Variants in BCL2 observed in about 807,000 individuals in gnomAD.
BCL2 encodes apoptosis regulator Bcl-2.
In BCL2, 1 loss-of-function variant was observed where a neutral mutation model predicts 14.2. The ratio of observed to expected loss-of-function variants is 0.07; its 90% confidence interval spans 0.02 to 0.33. BCL2 has a LOEUF of 0.33. BCL2 is among the 10% of genes least tolerant of loss of function. The pLI is 0.99. For missense variants in BCL2, 247 were observed against 305.9 expected (o/e 0.81, Z 1.44); for synonymous variants, 151 against 137.2 (o/e 1.10, Z -0.70).
chr18:63,310,512 T>C (rs966335420), intron 2 of BCL2, among the ~76,000 whole-genome samples: 2 of 152,220 alleles, frequency 1.3e-5, no homozygotes, highest in African/African-American at 4.8e-5. Flanking sequence ...CTACTACACA[T>C]TGTCCAGGAT....
intron 2 of BCL2, among the ~76,000 whole-genome samples, chr18:63,187,620 C>A (rs1210132766): frequency 6.6e-6 from 1 of 152,134 alleles, no homozygotes; most frequent in Non-Finnish European, 1.5e-5. Flanking sequence ...AAAGACCATG[C>A]CCCAGTAAAT....
intron 2 of BCL2, among the ~76,000 whole-genome samples, chr18:63,301,651 C>A (rs911570408): frequency 2.0e-5 from 3 of 152,168 alleles, no homozygotes; most frequent in Non-Finnish European, 1.5e-5. Flanking sequence ...TCATAAAGAT[C>A]TTTTACTCAC....
chr18:63,157,967 C>G (rs1914825451), intron 2 of BCL2, among the ~76,000 whole-genome samples: 1 of 151,186 alleles, frequency 6.6e-6, no homozygotes. Context: ...TTTTCTGAAG[C>G]CAAAATTAGA....
chr18:63,252,091 G>C (rs879761555), intron 2 of BCL2, among the ~76,000 whole-genome samples: 4 of 152,086 alleles, frequency 2.6e-5, no homozygotes, highest in Admixed American at 6.6e-5. Flanking sequence ...AAGCCACAAG[G>C]ATAGAATTAT....
chr18:63,203,351 T>C (rs1909753276), intron 2 of BCL2, among the ~76,000 whole-genome samples: 1 of 152,172 alleles, frequency 6.6e-6, no homozygotes. Flanking sequence ...TGGATGCCAA[T>C]GACATGTGTA....
chr18:63,141,144 G>A (rs1420636468), intron 2 of BCL2, among the ~76,000 whole-genome samples: 3 of 152,122 alleles, frequency 2.0e-5, no homozygotes, highest in Non-Finnish European at 4.4e-5. Context: ...TGAAAACTCC[G>A]CCGTAGCGAA....
At position 63,270,346 on chromosome 18, in the gene BCL2, A is replaced by T. The variant is rs566764708; in HGVS notation, c.585+47736T>A. On this transcript the variant is annotated intron_variant, in intron 2 of 2. Coordinates refer to ENST00000333681, the MANE Select transcript of BCL2 (RefSeq NM_000633.3). Reference sequence around the variant, plus strand: ...GAAACAGCCCAAATGTCTATCAGTCAGGAAGTAGTTAATAAGTCATCATAC... The same window carrying T: ...GAAACAGCCCAAATGTCTATCAGTCTGGAAGTAGTTAATAAGTCATCATAC... 9.2e-5 allele frequency among the ~76,000 whole-genome samples: 14 copies of T among 152,364 alleles called. No individual in the cohort carries two copies. The South Asian group carries it at 2.9e-3, about 32-fold the overall frequency.
chr18:63,318,145 G>A lies in BCL2; in HGVS notation c.522C>T (p.Ala174=), dbSNP rs762545906. Reference sequence around the variant, plus strand: ...GGTTCAGGTACTCAGTCATCCACAGGGCGATGTTGTCCACCAGGGGCGACA... The same window carrying A: ...GGTTCAGGTACTCAGTCATCCACAGAGCGATGTTGTCCACCAGGGGCGACA... The part of the protein sequence containing the change: ...REMSPLVDNI[A]LWMTEYLNRH... Residue 174 remains alanine, a synonymous_variant, in exon 2 of 3, where the codon GCC becomes GCT. Transcript: ENST00000333681. This position sits in a 1 kb window ranked among gnomAD's most constrained non-coding sequence, Gnocchi z 7.4. 1 of 1,613,960 alleles carries A rather than the reference G, an allele frequency of 6.2e-7. No homozygotes were observed. Among genetic ancestry groups the A allele is most frequent in the Non-Finnish European group, 8.5e-7 (1 of 1,180,020 alleles).
chr18:63,149,114 T>G lies in BCL2; in HGVS notation c.586-20355A>C, dbSNP rs1014480367. ...TGTCTCTTTGATAACGTTTACATTATGAGAAAAGAATCAAGCTCATTTATG... is the reference window on the plus strand; with the variant it reads ...TGTCTCTTTGATAACGTTTACATTAGGAGAAAAGAATCAAGCTCATTTATG... On this transcript the variant is annotated intron_variant, in intron 2 of 2. Coordinates refer to ENST00000333681, the MANE Select transcript of BCL2 (RefSeq NM_000633.3). This position sits in a 1 kb window ranked among gnomAD's most constrained non-coding sequence, Gnocchi z 4.2. Among the ~76,000 whole-genome samples the G allele has an allele frequency of 4.6e-5, 7 of 152,220 alleles. No homozygotes were observed. The highest frequency in any genetic ancestry group is 1.7e-4 in the African/African-American group (7 of 41,458).
chr18:63,270,651 A>C (rs1339699952), intron 2 of BCL2, among the ~76,000 whole-genome samples: 2 of 152,198 alleles, frequency 1.3e-5, no homozygotes, highest in East Asian at 3.8e-4. Flanking sequence ...GTCTGGGGAC[A>C]ATAGGAGGAG....
At chr18:63,129,375 G>A (rs1425348374) in intron 2 of BCL2, among the ~76,000 whole-genome samples, 4 of 150,956 alleles carry the variant, frequency 2.6e-5, no homozygotes, top group African/African-American at 7.3e-5. Flanking sequence ...CTGCAGCCTC[G>A]AACTGTTGGA....
At chr18:63,171,836 C>T (rs1210541181) in intron 2 of BCL2, among the ~76,000 whole-genome samples, 1 of 152,130 alleles carries the variant, frequency 6.6e-6, no homozygotes, top group Admixed American at 6.5e-5. Context: ...AAAAAATTAT[C>T]TGGGAGTGGT....
chr18:63,290,468 G>A (rs1389267865), intron 2 of BCL2, among the ~76,000 whole-genome samples: 7 of 152,312 alleles, frequency 4.6e-5, no homozygotes, highest in East Asian at 3.9e-4. Context: ...GAAATGAGGC[G>A]AGGTTTGTTC....
chr18:63,259,648 A>G (rs949820236), intron 2 of BCL2, among the ~76,000 whole-genome samples: 1 of 152,162 alleles, frequency 6.6e-6, no homozygotes, highest in Non-Finnish European at 1.5e-5. Flanking sequence ...TGGTTACCTT[A>G]CCCACCTACG....
rs1445223418 is a variant in BCL2, at chr18:63,313,460, C to T, written c.585+4622G>A. ...AAAGGATGACCAGATTGACAAGTTA[C>T]TGTTATACCTGAATAAGGTGATATT... is the stretch of plus-strand genomic sequence containing the variant. On this transcript the variant is annotated intron_variant, in intron 2 of 2. Transcript: ENST00000333681. Among the ~76,000 whole-genome samples the T allele has an allele frequency of 2.0e-5, 3 of 152,332 alleles. No individual in the cohort carries two copies. In the East Asian group the frequency reaches 5.8e-4, roughly 29 times the overall value.
chr18:63,185,194 C>T (rs1915564917), intron 2 of BCL2, among the ~76,000 whole-genome samples: 5 of 152,196 alleles, frequency 3.3e-5, no homozygotes, highest in African/African-American at 9.6e-5. Flanking sequence ...AAATACAGCC[C>T]ACACTGATCA....
At chr18:63,313,604 G>A (rs988893085) in intron 2 of BCL2, among the ~76,000 whole-genome samples, 6 of 152,194 alleles carry the variant, frequency 3.9e-5, no homozygotes, top group Non-Finnish European at 8.8e-5. Flanking sequence ...TAGCACAAAT[G>A]CACTTCTGCT....
In BCL2 at chr18:63,138,750, T is replaced by G. The variant is rs375153453; in HGVS notation, c.586-9991A>C. Among the ~76,000 whole-genome samples the G allele has an allele frequency of 1.3e-4, 20 of 152,336 alleles. 1 individual carries two copies. Among genetic ancestry groups the G allele is most frequent in the African/African-American group, 4.8e-4 (20 of 41,576 alleles). ...CATTTGGATGTAACAAGAAACCTGC[T>G]GGAGACATGGCAGGAGATGAAAAAC... On this transcript the variant is annotated intron_variant, in intron 2 of 2. Transcript: ENST00000333681.
At chr18:63,181,464 T>C (rs1159472924) in intron 2 of BCL2, among the ~76,000 whole-genome samples, 4 of 152,160 alleles carry the variant, frequency 2.6e-5, no homozygotes, top group Non-Finnish European at 4.4e-5. Flanking sequence ...GCCGTCAGAA[T>C]CACCCAGGGC....
Sources: allele counts gnomAD v4.1 joint callset (sites outside exome capture counted in the v4.1 genomes callset), GRCh38; gene constraint gnomAD v4.1.1; non-coding constraint Gnocchi (gnomAD v3.1); transcripts MANE v1.5; gene names NCBI Gene and HGNC (gene_info 2026-07-23, HGNC 2026-07-21).